CHRM3: variants seen among roughly 807,000 people sequenced by gnomAD.
CHRM3 encodes the protein cholinergic receptor muscarinic 3.
In CHRM3, 11 loss-of-function variants were observed where a neutral mutation model predicts 41.8. The observed-to-expected ratio is 0.26, with a 90% CI of 0.17 to 0.44. CHRM3 has a LOEUF of 0.44. Ranked by LOEUF, CHRM3 falls within the 20% of genes least tolerant of loss-of-function variation. The probability of loss-of-function intolerance (pLI) is 1.00; values close to 1 mark genes in which losing one functional copy is unlikely to be tolerated. For synonymous variants in CHRM3, 297 were observed against 301.4 expected (o/e 0.99, Z 0.15); for missense variants, 571 against 745.4 (o/e 0.77, Z 2.72).
intron 4 of CHRM3, among the ~76,000 whole-genome samples, chr1:239,644,619 C>T (rs907651386): frequency 3.3e-5 from 5 of 152,132 alleles, no homozygotes; most frequent in East Asian, 3.9e-4. Context: ...AAATTCTTAT[C>T]AGCCTGTCCC....
At chr1:239,807,360 G>T (rs917450924) in intron 5 of CHRM3, among the ~76,000 whole-genome samples, 8 of 152,252 alleles carry the variant, frequency 5.3e-5, no homozygotes, top group African/African-American at 1.7e-4. Context: ...ACCTGAAAAA[G>T]TCACCTTGTT....
At chr1:239,529,490 T>C (rs1404816685) in intron 2 of CHRM3, among the ~76,000 whole-genome samples, 2 of 151,382 alleles carry the variant, frequency 1.3e-5, no homozygotes, top group Non-Finnish European at 2.9e-5. Flanking sequence ...CATGTGCCTG[T>C]AATCCCAGCC....
At position 239,648,112 on chromosome 1, in the gene CHRM3, C is replaced by G. The variant is rs560757252; in HGVS notation, c.-250+15826C>G. On this transcript the variant is annotated intron_variant, in intron 4 of 6. Coordinates refer to ENST00000676153, the MANE Select transcript of CHRM3 (RefSeq NM_001375978.1). ...CTCAAGTTGCATTTCTCATTATTTCCTAACTTCTACTCTACCCTCTACCCT... is the reference window on the plus strand; with the variant it reads ...CTCAAGTTGCATTTCTCATTATTTCGTAACTTCTACTCTACCCTCTACCCT... Among the ~76,000 whole-genome samples, 311 of 152,118 alleles carry G rather than the reference C, an allele frequency of 2.0e-3. 2 individuals carry two copies. Among genetic ancestry groups the G allele is most frequent in the African/African-American group, 7.2e-3 (297 of 41,518 alleles).
chr1:239,605,766 A>G (rs1007051903), intron 3 of CHRM3, among the ~76,000 whole-genome samples: 2 of 152,168 alleles, frequency 1.3e-5, no homozygotes, highest in East Asian at 3.8e-4. Context: ...TATGGCATTT[A>G]TAAGGTCAGT....
intron 3 of CHRM3, among the ~76,000 whole-genome samples, chr1:239,550,894 A>AAAATATTTT (rs1273248169): frequency 6.6e-6 from 1 of 152,118 alleles, no homozygotes; most frequent in Non-Finnish European, 1.5e-5. Context: ...GTTAGTAAGA[A>AAAATATTTT]AAATATTTTA....
intron 5 of CHRM3, among the ~76,000 whole-genome samples, chr1:239,725,002 T>TA: frequency 6.6e-6 from 1 of 152,024 alleles, no homozygotes; most frequent in African/African-American, 2.4e-5. Flanking sequence ...TCCCCTCTGC[T>TA]ATGCCTGTGT....
At chr1:239,793,688 T>G (rs1171684495) in intron 5 of CHRM3, among the ~76,000 whole-genome samples, 1 of 152,102 alleles carries the variant, frequency 6.6e-6, no homozygotes, top group Non-Finnish European at 1.5e-5. Context: ...CCACTGTGAA[T>G]GGTGGGATAT....
At chr1:239,794,061 T>G (rs532710330) in intron 5 of CHRM3, among the ~76,000 whole-genome samples, 2 of 152,008 alleles carry the variant, frequency 1.3e-5, no homozygotes, top group Non-Finnish European at 2.9e-5. Context: ...TGCCTTCGCC[T>G]CCCAAAGGGT....
At chr1:239,432,515 G>T (rs934284487) in intron 1 of CHRM3, among the ~76,000 whole-genome samples, 1 of 152,184 alleles carries the variant, frequency 6.6e-6, no homozygotes, top group African/African-American at 2.4e-5. Context: ...ATATGTAGAT[G>T]ATGAGCAGAG....
chr1:239,397,498 C>G (rs756150570), intron 1 of CHRM3, among the ~76,000 whole-genome samples: 2 of 151,616 alleles, frequency 1.3e-5, no homozygotes, highest in Non-Finnish European at 2.9e-5. Flanking sequence ...CAGTGAAACC[C>G]CTTCTCTCCT....
intron 5 of CHRM3, among the ~76,000 whole-genome samples, chr1:239,777,039 A>G (rs925812106): frequency 2.0e-5 from 3 of 152,306 alleles, no homozygotes; most frequent in Middle Eastern, 3.4e-3. Flanking sequence ...CAGGCAAACC[A>G]TATCAATAGT....
intron 3 of CHRM3, among the ~76,000 whole-genome samples, chr1:239,560,297 G>A (rs1181684994): frequency 2.0e-5 from 3 of 151,898 alleles, no homozygotes; most frequent in Admixed American, 6.6e-5. Context: ...CAACTCATAC[G>A]CTGATGTTTT....
intron 2 of CHRM3, among the ~76,000 whole-genome samples, chr1:239,534,188 C>T (rs1254118404): frequency 6.6e-6 from 1 of 152,078 alleles, no homozygotes; most frequent in African/African-American, 2.4e-5. Flanking sequence ...ATTAGCCAGG[C>T]CTGGTGGCAG....
At chr1:239,412,975 G>A (rs576048535) in intron 1 of CHRM3, among the ~76,000 whole-genome samples, 148 of 152,010 alleles carry the variant, frequency 9.7e-4, no homozygotes, top group Admixed American at 1.5e-3. Context: ...CTACTCGGGA[G>A]GCTGAGGCAA....
chr1:239,506,480 T>A lies in CHRM3; in HGVS notation c.-422+13673T>A, dbSNP rs12082493. On this transcript the variant is annotated intron_variant, in intron 2 of 6. Transcript: ENST00000676153. ...TGTTGAGCCTGTGTGTGCATGGAAGTCAATAATGGAGGTTTGGGAACTTCT... is the reference window on the plus strand; with the variant it reads ...TGTTGAGCCTGTGTGTGCATGGAAGACAATAATGGAGGTTTGGGAACTTCT... Among the ~76,000 whole-genome samples the A allele has an allele frequency of 7.7e-3, 1,170 of 152,224 alleles. 12 individuals carry two copies. Among genetic ancestry groups the A allele is most frequent in the African/African-American group, 0.027 (1,112 of 41,526 alleles).
intron 6 of CHRM3, among the ~76,000 whole-genome samples, chr1:239,829,038 T>G (rs1162138673): frequency 6.6e-6 from 1 of 152,216 alleles, no homozygotes; most frequent in Non-Finnish European, 1.5e-5. Context: ...AGACACTTGC[T>G]TTCTTGAAAT....
intron 3 of CHRM3, among the ~76,000 whole-genome samples, chr1:239,575,583 C>T (rs751576283): frequency 6.6e-6 from 1 of 151,986 alleles, no homozygotes; most frequent in Non-Finnish European, 1.5e-5. Flanking sequence ...AATACGACTC[C>T]ATTCTAGAGG....
intron 2 of CHRM3, among the ~76,000 whole-genome samples, chr1:239,534,312 C>T (rs949969557): frequency 6.6e-5 from 10 of 152,084 alleles, no homozygotes; most frequent in Non-Finnish European, 2.9e-5. Flanking sequence ...GGTGACAAAG[C>T]GAGACTCTGT....
intron 5 of CHRM3, among the ~76,000 whole-genome samples, chr1:239,786,877 A>ATTTCGTACAGGT (rs571222687): frequency 3.1e-3 from 478 of 152,314 alleles, no homozygotes; most frequent in Middle Eastern, 0.017. Context: ...AGGTCATGGA[A>ATTTCGTACAGGT]AATCCTGTAG....
Sources: allele counts gnomAD v4.1 joint callset (sites outside exome capture counted in the v4.1 genomes callset), GRCh38; gene constraint gnomAD v4.1.1; transcripts MANE v1.5; gene names NCBI Gene and HGNC (gene_info 2026-07-23, HGNC 2026-07-21).